The following NFAM1 variants were observed in gnomAD, a reference collection of about 807,000 sequenced individuals.
NFAM1 encodes NFAT activating protein with ITAM motif 1, also known as NFAT activation molecule 1.
Under a neutral mutation model 29.0 loss-of-function variants are expected in NFAM1, and 17 were observed. That is an observed-to-expected ratio of 0.59 (90% CI 0.40 to 0.88). The LOEUF is 0.88. Among genes scored for constraint, NFAM1 ranks in the 40% least tolerant of loss-of-function variants. The probability of loss-of-function intolerance (pLI) is 0.00; values close to 1 mark genes in which losing one functional copy is unlikely to be tolerated. For missense variants in NFAM1, 324 were observed against 344.6 expected (o/e 0.94, Z 0.47); for synonymous variants, 175 against 147.2 (o/e 1.19, Z -1.36).
chr22:42,415,363 G>T (rs951799025), intron 1 of NFAM1, among the ~76,000 whole-genome samples: 1 of 144,498 alleles, frequency 6.9e-6, no homozygotes, highest in South Asian at 2.2e-4. Flanking sequence ...GCGATGGCGC[G>T]ATCTCAGCTC....
At chr22:42,426,810 C>T (rs1057052461) in intron 1 of NFAM1, among the ~76,000 whole-genome samples, 19 of 152,286 alleles carry the variant, frequency 1.2e-4, no homozygotes, top group African/African-American at 3.9e-4. Flanking sequence ...CCATGACTCA[C>T]GACCGAAGAT....
intron 1 of NFAM1, among the ~76,000 whole-genome samples, chr22:42,421,036 C>G (rs935847952): frequency 6.6e-6 from 1 of 152,196 alleles, no homozygotes; most frequent in South Asian, 2.1e-4. Flanking sequence ...GAGCCCTCTA[C>G]AGGCTGGCCC....
At chr22:42,424,217 C>T (rs1338547301) in intron 1 of NFAM1, among the ~76,000 whole-genome samples, 4 of 152,136 alleles carry the variant, frequency 2.6e-5, no homozygotes, top group Non-Finnish European at 4.4e-5. Flanking sequence ...AGATTGAGAC[C>T]ATCCTGGCTA....
In NFAM1 at chr22:42,409,368, G is replaced by C; in HGVS notation, c.564+67C>G. 1.2e-6 allele frequency: 1 copy of C among 839,240 alleles called. No homozygotes were observed. The highest frequency in any genetic ancestry group is 1.8e-6 in the Non-Finnish European group (1 of 556,078). The allele number at this position is 839,240 out of a possible 1,614,324, so 52.0% of individuals were successfully genotyped here. On this transcript the variant is annotated intron_variant, in intron 3 of 5. Transcript: ENST00000329021. This position sits in a 1 kb window ranked among gnomAD's most constrained non-coding sequence, Gnocchi z 4.9. The stretch of plus-strand genomic sequence containing the variant: ...CAGGGCCCACCAAACGCCCTGCAGA[G>C]GGCAGGCGGGCAGCCGGTGGCGTGT...
chr22:42,410,537 T>C (rs543392007), intron 2 of NFAM1: 6 of 312,966 alleles, frequency 1.9e-5, no homozygotes, highest in Non-Finnish European at 3.9e-5. Flanking sequence ...TGGACATCTG[T>C]AATCCCAGGT....
intron 4 of NFAM1, 146 bp downstream of exon 4, chr22:42,397,712 T>C (rs1929576577): frequency 3.3e-6 from 2 of 612,818 alleles, no homozygotes; most frequent in Non-Finnish European, 5.9e-6. Flanking sequence ...AGGTAAGAAT[T>C]GTTATCCCCA....
intron 1 of NFAM1, among the ~76,000 whole-genome samples, chr22:42,412,475 G>C (rs945034639): frequency 6.6e-6 from 1 of 152,214 alleles, no homozygotes; most frequent in Admixed American, 6.5e-5. Context: ...AGAGAGTGGA[G>C]CTACAACCCC....
intron 5 of NFAM1, among the ~76,000 whole-genome samples, chr22:42,386,437 C>CA (rs61198968): frequency 6.7e-5 from 10 of 149,442 alleles, no homozygotes; most frequent in African/African-American, 1.2e-4. Flanking sequence ...AAAACAAAAA[C>CA]AAAAAAAAAG....
chr22:42,407,907 T>C (rs1057016055), intron 3 of NFAM1, among the ~76,000 whole-genome samples: 11 of 148,008 alleles, frequency 7.4e-5, no homozygotes, highest in African/African-American at 2.8e-4. Flanking sequence ...ATTTCTCTTT[T>C]TTTTTTTTTT....
chr22:42,401,347 C>T lies in NFAM1; in HGVS notation c.565-3391G>A, dbSNP rs770178657. Among the ~76,000 whole-genome samples, 24 of 152,140 alleles carry T rather than the reference C, an allele frequency of 1.6e-4. 1 individual carries two copies. The highest frequency in any genetic ancestry group is 1.5e-3 in the Admixed American group (23 of 15,288). On this transcript the variant is annotated intron_variant, in intron 3 of 5. Coordinates refer to ENST00000329021, the MANE Select transcript of NFAM1 (RefSeq NM_145912.8). ...CCACAGGCTGGCACGGGTGGGGCCA[C>T]GAAAGGCCAAATGCCATGGTGTCTA...
At chr22:42,401,014 G>C (rs942521664) in intron 3 of NFAM1, among the ~76,000 whole-genome samples, 7 of 152,148 alleles carry the variant, frequency 4.6e-5, no homozygotes, top group Admixed American at 1.3e-4. Flanking sequence ...CTACGCGCTG[G>C]GCCTGGGCTG....
At chr22:42,410,427 A>G in intron 2 of NFAM1, 1 of 379,222 alleles carries the variant, frequency 2.6e-6, no homozygotes, top group Non-Finnish European at 5.3e-6. Flanking sequence ...TTGGAGGCTG[A>G]GGTGGGCGGA....
rs140450297 is a variant in NFAM1, at chr22:42,417,345, C to T, written c.122-5609G>A. Among the ~76,000 whole-genome samples, 38 of 152,276 alleles carry T rather than the reference C, an allele frequency of 2.5e-4. No homozygotes were observed. In the East Asian group the frequency reaches 7.2e-3, roughly 29 times the overall value. ...TTTGCCAGGAGAAATCCCCCAGCAC[C>T]AAGGGGCCTAGAGGGCCCAGGAGCT... is the stretch of plus-strand genomic sequence containing the variant. On this transcript the variant is annotated intron_variant, in intron 1 of 5. Coordinates refer to ENST00000329021, the MANE Select transcript of NFAM1 (RefSeq NM_145912.8).
chr22:42,422,519 C>T (rs1312352371), intron 1 of NFAM1, among the ~76,000 whole-genome samples: 3 of 152,148 alleles, frequency 2.0e-5, no homozygotes, highest in East Asian at 1.9e-4. Flanking sequence ...GCAGGAGAAT[C>T]GCTTGAACCC....
chr22:42,402,869 T>C (rs947151914), intron 3 of NFAM1, among the ~76,000 whole-genome samples: 11 of 138,378 alleles, frequency 7.9e-5, no homozygotes, highest in Non-Finnish European at 1.4e-4. Flanking sequence ...GGAGTTTTGC[T>C]CTGTCACCCA....
At chr22:42,421,898 G>A (rs1448450724) in intron 1 of NFAM1, among the ~76,000 whole-genome samples, 2 of 152,228 alleles carry the variant, frequency 1.3e-5, no homozygotes, top group Admixed American at 1.3e-4. Context: ...CCCCAGCCAT[G>A]TGCCTGAGCA....
At chr22:42,395,044 C>T (rs941639282) in intron 4 of NFAM1, among the ~76,000 whole-genome samples, 8 of 152,122 alleles carry the variant, frequency 5.3e-5, no homozygotes, top group African/African-American at 1.9e-4. Context: ...TGCAGTGTCT[C>T]ACACTCATAG....
At position 42,388,727 on chromosome 22, in the gene NFAM1, G is replaced by A. The variant is rs945553555; in HGVS notation, c.664-1649C>T. Among the ~76,000 whole-genome samples, 1 of 152,208 alleles carries A rather than the reference G, an allele frequency of 6.6e-6. No individual in the cohort carries two copies. Among genetic ancestry groups the A allele is most frequent in the Admixed American group, 6.5e-5 (1 of 15,284 alleles). On this transcript the variant is annotated intron_variant, in intron 4 of 5. Transcript: ENST00000329021. The surrounding 1 kb of genome is among the most constrained non-coding windows in gnomAD (Gnocchi z 4.1). ...AAGTAATAAACCATTTGGCACTTGG[G>A]AGACCCTCACTTCAAGGGCATCAGA... is the stretch of plus-strand genomic sequence containing the variant.
chr22:42,415,198 G>C (rs1930215468), intron 1 of NFAM1, among the ~76,000 whole-genome samples: 1 of 151,962 alleles, frequency 6.6e-6, no homozygotes, highest in African/African-American at 2.4e-5. Flanking sequence ...GGGGAGGAGA[G>C]GAGGTCCGCA....
Sources: gnomAD v4.1 joint callset for allele counts (sites outside exome capture counted in the v4.1 genomes callset) on GRCh38, gnomAD v4.1.1 for gene constraint, Gnocchi (gnomAD v3.1) non-coding constraint, MANE v1.5 for transcripts, NCBI Gene and HGNC (gene_info 2026-07-23, HGNC 2026-07-21) for gene names.